The following GFOD1 variants were observed in gnomAD, a reference collection of about 807,000 sequenced individuals.
The protein encoded by GFOD1 is glucose-fructose oxidoreductase domain-containing protein 1.
GFOD1 carries 9 observed loss-of-function variants against 25.4 expected under a neutral mutation model. The observed-to-expected ratio is 0.35, with a 90% CI of 0.21 to 0.62. GFOD1 has a LOEUF of 0.62. Ranked by LOEUF, GFOD1 falls within the 20% of genes least tolerant of loss-of-function variation. The probability of loss-of-function intolerance (pLI) is 0.72; values close to 1 mark genes in which losing one functional copy is unlikely to be tolerated. For missense variants in GFOD1, 403 were observed against 556.9 expected, an observed-to-expected ratio of 0.72 and a Z score of 2.78; for synonymous variants, 253 against 245.6, an observed-to-expected ratio of 1.03 and a Z score of -0.28.
At chr6:13,433,618 T>C (rs1336312311) in intron 1 of GFOD1, among the ~76,000 whole-genome samples, 1 of 152,186 alleles carries the variant, frequency 6.6e-6, no homozygotes, top group Non-Finnish European at 1.5e-5. Context: ...AGGAGGACTT[T>C]CATGGAAGAA....
chr6:13,439,092 T>G (rs1757876382), intron 1 of GFOD1, among the ~76,000 whole-genome samples: 1 of 152,180 alleles, frequency 6.6e-6, no homozygotes, highest in African/African-American at 2.4e-5. Context: ...CTGGTCTAGA[T>G]GTACTAGATA....
At chr6:13,418,610 C>T (rs1786200521) in intron 1 of GFOD1, among the ~76,000 whole-genome samples, 1 of 152,208 alleles carries the variant, frequency 6.6e-6, no homozygotes, top group Non-Finnish European at 1.5e-5. Flanking sequence ...TAAGGAATCA[C>T]CCGAAGCCCA....
At chr6:13,451,632 G>A (rs1233862615) in intron 1 of GFOD1, among the ~76,000 whole-genome samples, 1 of 152,202 alleles carries the variant, frequency 6.6e-6, no homozygotes, top group Non-Finnish European at 1.5e-5. Flanking sequence ...CAAAGGCCAA[G>A]CAGCTTGCCT....
At chr6:13,422,207 T>C (rs1350700293) in intron 1 of GFOD1, among the ~76,000 whole-genome samples, 1 of 152,214 alleles carries the variant, frequency 6.6e-6, no homozygotes, top group Non-Finnish European at 1.5e-5. Flanking sequence ...TAGGTTCTGG[T>C]GACAACAAAA....
At chr6:13,468,451 T>C (rs571093350) in intron 1 of GFOD1, among the ~76,000 whole-genome samples, 2 of 152,370 alleles carry the variant, frequency 1.3e-5, no homozygotes, top group African/African-American at 4.8e-5. Flanking sequence ...CTGAACACTA[T>C]TGTGCATGTA....
intron 1 of GFOD1, among the ~76,000 whole-genome samples, chr6:13,371,321 T>A (rs1317656705): frequency 6.6e-6 from 1 of 152,176 alleles, no homozygotes; most frequent in East Asian, 1.9e-4. Flanking sequence ...AAGGAGGCCA[T>A]CTGCACTTTC....
intron 1 of GFOD1, among the ~76,000 whole-genome samples, chr6:13,470,899 G>T (rs1478182307): frequency 6.6e-6 from 1 of 152,076 alleles, no homozygotes; most frequent in Non-Finnish European, 1.5e-5. Context: ...AGCAGTCCCA[G>T]TTCCCTAAAG....
At chr6:13,482,612 G>A (rs1357313857) in intron 1 of GFOD1, among the ~76,000 whole-genome samples, 1 of 152,008 alleles carries the variant, frequency 6.6e-6, no homozygotes, top group African/African-American at 2.4e-5. Flanking sequence ...GCTGGGTGTG[G>A]TGGCACACAC....
chr6:13,449,963 C>T (rs960274647), intron 1 of GFOD1, among the ~76,000 whole-genome samples: 4 of 152,330 alleles, frequency 2.6e-5, no homozygotes, highest in African/African-American at 9.6e-5. Context: ...GACTAACTGG[C>T]TTTCCTGACT....
At position 13,387,158 on chromosome 6, in the gene GFOD1, C is replaced by T. The variant is rs564837429; in HGVS notation, c.254-21496G>A. On this transcript the variant is annotated intron_variant, in intron 1 of 1. Coordinates refer to ENST00000379287, the MANE Select transcript of GFOD1 (RefSeq NM_018988.4). Reference sequence around the variant, plus strand: ...GCTTTCCCACATGGAAGAGGCTTCTCTAATGCAGCACAGTATTAATACTTC... The same window carrying T: ...GCTTTCCCACATGGAAGAGGCTTCTTTAATGCAGCACAGTATTAATACTTC... 5.8e-4 allele frequency among the ~76,000 whole-genome samples: 88 copies of T among 152,292 alleles called. No individual in the cohort carries two copies. In the South Asian group the frequency reaches 8.9e-3, roughly 15 times the overall value.
At chr6:13,408,123 G>T in intron 1 of GFOD1, 1 of 984,316 alleles carries the variant, frequency 1.0e-6, no homozygotes, top group Non-Finnish European at 1.2e-6. Flanking sequence ...CCTCCACATA[G>T]AGTCTTTATG....
intron 1 of GFOD1, among the ~76,000 whole-genome samples, chr6:13,418,254 G>A (rs1488832663): frequency 6.6e-6 from 1 of 152,112 alleles, no homozygotes; most frequent in Non-Finnish European, 1.5e-5. Context: ...AGATGGAGAA[G>A]GGACAAAAGA....
At position 13,449,804 on chromosome 6, in the gene GFOD1, C is replaced by T. The variant is rs1758064642; in HGVS notation, c.253+36834G>A. ...TCCCCAGCCACATGGAACTGTGAGT[C>T]CATTAAACCTCTTTTTCTTTATAAA... is the stretch of plus-strand genomic sequence containing the variant. On this transcript the variant is annotated intron_variant, in intron 1 of 1. Transcript: ENST00000379287. Among the ~76,000 whole-genome samples the T allele has an allele frequency of 2.0e-5, 3 of 152,144 alleles. 1 individual carries two copies. The highest frequency in any genetic ancestry group is 4.1e-4 in the South Asian group (2 of 4,824).
rs772878631 is a variant in GFOD1, at chr6:13,360,693, CA to C, written c.*4049del. On this transcript the variant is annotated 3_prime_UTR_variant, in exon 2 of 2. Transcript: ENST00000379287. Reference sequence around the variant, plus strand: ...CTGGCTACTTCTATGTGCAGCTCTACAGCCTCCTGGCAGAACATCAGATGTT... The same window carrying C: ...CTGGCTACTTCTATGTGCAGCTCTACGCCTCCTGGCAGAACATCAGATGTT... 6.6e-6 allele frequency: 3 copies of C among 456,742 alleles called. No individual in the cohort carries two copies. Among genetic ancestry groups the C allele is most frequent in the South Asian group, 4.6e-5 (3 of 64,572 alleles). 28.3% of individuals were successfully genotyped at this position (456,742 alleles called of 1,614,324 possible).
intron 1 of GFOD1, among the ~76,000 whole-genome samples, chr6:13,474,108 G>A (rs746008275): frequency 6.6e-5 from 10 of 152,212 alleles, no homozygotes; most frequent in African/African-American, 1.4e-4. Flanking sequence ...TGCCAGGCAC[G>A]GTGGCTCTCG....
At chr6:13,473,839 C>T (rs1428432311) in intron 1 of GFOD1, among the ~76,000 whole-genome samples, 2 of 152,126 alleles carry the variant, frequency 1.3e-5, no homozygotes, top group African/African-American at 4.8e-5. Flanking sequence ...TTTCAGGCAG[C>T]ACCCACTCTC....
intron 1 of GFOD1, among the ~76,000 whole-genome samples, chr6:13,409,110 A>AAAGG (rs1786001800): frequency 5.3e-5 from 4 of 74,774 alleles, no homozygotes; most frequent in African/African-American, 1.3e-4. Flanking sequence ...AGAAAGAAAG[A>AAAGG]AAGAAAGAAA....
chr6:13,444,584 C>T (rs902348318), intron 1 of GFOD1, among the ~76,000 whole-genome samples: 5 of 151,666 alleles, frequency 3.3e-5, no homozygotes, highest in African/African-American at 1.2e-4. Context: ...TGTTCACGTG[C>T]TTTATATTTA....
chr6:13,475,503 T>G (rs1318099823), intron 1 of GFOD1, among the ~76,000 whole-genome samples: 3 of 149,774 alleles, frequency 2.0e-5, no homozygotes, highest in Non-Finnish European at 4.4e-5. Context: ...AGGTCAGGAG[T>G]TCGAGACCAG....
Sources: allele counts gnomAD v4.1 joint callset (sites outside exome capture counted in the v4.1 genomes callset), GRCh38; gene constraint gnomAD v4.1.1; transcripts MANE v1.5; gene names NCBI Gene and HGNC (gene_info 2026-07-23, HGNC 2026-07-21).